Variants in PTCSC3 observed in about 807,000 individuals in gnomAD.
PTCSC3 encodes papillary thyroid carcinoma susceptibility candidate 3, also known as papillary thyroid carcinoma susceptibility candidate 3 (non-protein coding).
intron 1 of PTCSC3, chr14:36,164,272 A>T (rs903458169): frequency 4.6e-5 from 7 of 152,238 alleles, no homozygotes; most frequent in Admixed American, 6.5e-5. Flanking sequence ...AATAGGTGAG[A>T]TAAATCATAT....
At chr14:36,169,061 T>TA (rs149452025) in intron 1 of PTCSC3, among the ~76,000 whole-genome samples, 10 of 151,074 alleles carry the variant, frequency 6.6e-5, no homozygotes, top group South Asian at 2.1e-4. Flanking sequence ...ATAGAGACAT[T>TA]AAAAAAAAAC....
At chr14:36,152,768 C>T (rs1295173659) in intron 3 of PTCSC3, among the ~76,000 whole-genome samples, 1 of 151,862 alleles carries the variant, frequency 6.6e-6, no homozygotes, top group Non-Finnish European at 1.5e-5. Flanking sequence ...GTGGCGGGCA[C>T]CTGTAATCCC....
chr14:36,145,549 CT>C lies in PTCSC3; in HGVS notation n.322+8254del, dbSNP rs902334124. 1.1e-3 allele frequency among the ~76,000 whole-genome samples: 164 copies of C among 143,004 alleles called. 1 individual carries two copies. Among genetic ancestry groups the C allele is most frequent in the African/African-American group, 4.1e-3 (156 of 38,446 alleles). 93.8% of individuals were successfully genotyped at this position (143,004 alleles called of 152,430 possible). A position where few individuals can be genotyped will look rare whatever the true frequency, so the allele number is the denominator to read the frequency against. ...TATTGTGTCTATTTGATTCTTCTCT[CT>C]TTTTTTCTTTATTAGTCTTGCTAGC... On this transcript the variant is annotated intron_variant and non_coding_transcript_variant, in intron 3 of 3. Coordinates refer to ENST00000556013, the Ensembl canonical transcript of PTCSC3.
intron 1 of PTCSC3, among the ~76,000 whole-genome samples, chr14:36,166,255 T>C (rs1325114948): frequency 2.0e-5 from 3 of 152,166 alleles, no homozygotes; most frequent in Admixed American, 6.5e-5. Context: ...TGTCTTCAGA[T>C]AAGTCTTAAG....
At chr14:36,135,899 A>ATGTGTGTG (rs139313919), downstream of PTCSC3, among the ~76,000 whole-genome samples, 9 of 149,442 alleles carry the variant, frequency 6.0e-5, no homozygotes, top group African/African-American at 2.2e-4. Flanking sequence ...GTATATATAT[A>ATGTGTGTG]TGTGTGTGTG....
intron 3 of PTCSC3, among the ~76,000 whole-genome samples, chr14:36,140,270 C>A (rs1243893786): frequency 6.6e-6 from 1 of 152,114 alleles, no homozygotes; most frequent in Non-Finnish European, 1.5e-5. Context: ...CCATTTGGGG[C>A]AATTATGAAT....
At chr14:36,146,353 G>A (rs1881566964) in intron 3 of PTCSC3, among the ~76,000 whole-genome samples, 1 of 148,550 alleles carries the variant, frequency 6.7e-6, no homozygotes, top group South Asian at 2.2e-4. Flanking sequence ...CTCCTATATT[G>A]GGTGCATATA....
At chr14:36,147,343 T>G (rs1184633041) in intron 3 of PTCSC3, among the ~76,000 whole-genome samples, 1 of 152,224 alleles carries the variant, frequency 6.6e-6, no homozygotes, top group Non-Finnish European at 1.5e-5. Context: ...CCCATATTTC[T>G]TGGAGGCTTT....
intron 2 of PTCSC3, among the ~76,000 whole-genome samples, chr14:36,156,551 A>G (rs138591869): frequency 0.016 from 2,382 of 152,082 alleles, 32 homozygotes; most frequent in South Asian, 0.043. Context: ...TCCTAATAGT[A>G]TCTCTCCCCT....
In PTCSC3 at chr14:36,162,229, A is replaced by C. The variant is rs1398097254; in HGVS notation, n.231+395T>G. Among the ~76,000 whole-genome samples, 54 of 136,178 alleles carry C rather than the reference A, an allele frequency of 4.0e-4. No homozygotes were observed. The Admixed American group carries it at 4.3e-3, about 11-fold the overall frequency. 89.3% of individuals were successfully genotyped at this position (136,178 alleles called of 152,430 possible). A position where few individuals can be genotyped will look rare whatever the true frequency, so the allele number is the denominator to read the frequency against. On this transcript the variant is annotated intron_variant and non_coding_transcript_variant, in intron 2 of 3. Transcript: ENST00000556013. Reference sequence around the variant, plus strand: ...CCAGGGGAGTGAACAGTTCTGTCTCACTGGCGTTCCAGGAGCTGCTGGGGT... The same window carrying C: ...CCAGGGGAGTGAACAGTTCTGTCTCCCTGGCGTTCCAGGAGCTGCTGGGGT...
In PTCSC3 at chr14:36,144,139, C is replaced by G. The variant is rs1405898170; in HGVS notation, n.323-7783G>C. Among the ~76,000 whole-genome samples, 38 of 151,974 alleles carry G rather than the reference C, an allele frequency of 2.5e-4. 1 individual carries two copies. The highest frequency in any genetic ancestry group is 3.4e-4 in the Non-Finnish European group (23 of 68,002). ...TTGGCTTAGGATTGGCTTGGTAATGCGGGCTCTTTTTTGGTTCCATATGAA... is the reference window on the plus strand; with the variant it reads ...TTGGCTTAGGATTGGCTTGGTAATGGGGGCTCTTTTTTGGTTCCATATGAA... On this transcript the variant is annotated intron_variant and non_coding_transcript_variant, in intron 3 of 3. Coordinates refer to ENST00000556013, the Ensembl canonical transcript of PTCSC3.
chr14:36,162,276 A>G (rs997288441), intron 2 of PTCSC3, among the ~76,000 whole-genome samples: 34 of 150,346 alleles, frequency 2.3e-4, no homozygotes, highest in African/African-American at 7.6e-4. Context: ...AAAAAAAAAA[A>G]AAAAAAAAAC....
chr14:36,167,286 C>A (rs1447788349), intron 1 of PTCSC3, among the ~76,000 whole-genome samples: 1 of 152,026 alleles, frequency 6.6e-6, no homozygotes, highest in Admixed American at 6.6e-5. Context: ...GCTAGCTGGC[C>A]CATTTCCTCT....
intron 3 of PTCSC3, among the ~76,000 whole-genome samples, chr14:36,150,082 G>T (rs1169124): frequency 0.46 from 70,029 of 151,848 alleles, 18,122 homozygotes; most frequent in Non-Finnish European, 0.59. Flanking sequence ...GTCTAAAGTA[G>T]GATTATTGTT....
chr14:36,165,947 T>A (rs2139110538), intron 1 of PTCSC3, among the ~76,000 whole-genome samples: 1 of 152,296 alleles, frequency 6.6e-6, no homozygotes, highest in African/African-American at 2.4e-5. Context: ...AAGCTGTCAG[T>A]GAACAGGATG....
chr14:36,140,692 C>T (rs1566501906), intron 3 of PTCSC3, among the ~76,000 whole-genome samples: 1 of 151,986 alleles, frequency 6.6e-6, no homozygotes, highest in Non-Finnish European at 1.5e-5. Context: ...CTTTTTGTGG[C>T]TCGTCTTTTC....
At position 36,147,580 on chromosome 14, in the gene PTCSC3, T is replaced by C. The variant is rs987158641; in HGVS notation, n.322+6224A>G. On this transcript the variant is annotated intron_variant and non_coding_transcript_variant, in intron 3 of 3. Transcript: ENST00000556013. ...ACATTCTTCTAAATTTTTTTCAAAA[T>C]TTTCAACTTCTTTGCCTTTGGTTTG... Among the ~76,000 whole-genome samples the C allele has an allele frequency of 2.0e-5, 3 of 151,852 alleles. No homozygotes were observed. In the East Asian group the frequency reaches 5.8e-4, roughly 29 times the overall value.
intron 3 of PTCSC3, among the ~76,000 whole-genome samples, chr14:36,150,572 C>T (rs1027096569): frequency 1.3e-5 from 2 of 152,206 alleles, no homozygotes; most frequent in African/African-American, 4.8e-5. Context: ...ATACCTGCCA[C>T]ATTTTAAATT....
chr14:36,167,071 C>T (rs1303047871), intron 1 of PTCSC3, among the ~76,000 whole-genome samples: 1 of 152,134 alleles, frequency 6.6e-6, no homozygotes, highest in Admixed American at 6.5e-5. Flanking sequence ...CTAATTAGTT[C>T]TATGGCCGAG....
Sources: gnomAD v4.1 joint callset for allele counts (sites outside exome capture counted in the v4.1 genomes callset) on GRCh38, gnomAD v4.1.1 for gene constraint, MANE v1.5 for transcripts, NCBI Gene and HGNC (gene_info 2026-07-23, HGNC 2026-07-21) for gene names.